The following IFT46 variants were observed in gnomAD, a reference collection of about 807,000 sequenced individuals.
IFT46 encodes intraflagellar transport 46, also known as intraflagellar transport protein 46 homolog.
A neutral mutation model predicts 39.6 loss-of-function variants in IFT46; 19 were observed. That is an observed-to-expected ratio of 0.48 (90% CI 0.33 to 0.70). The LOEUF (loss-of-function observed/expected upper bound fraction) is 0.70, where lower values mean the gene tolerates loss of function less well. Ranked by LOEUF, IFT46 falls within the 30% of genes least tolerant of loss-of-function variation. The pLI, the probability that IFT46 is intolerant of heterozygous loss-of-function variation, is 0.01. For synonymous variants in IFT46, 117 were observed against 134.8 expected (o/e 0.87, Z 0.91); for missense variants, 334 against 364.8 (o/e 0.92, Z 0.69).
At chr11:118,548,041 C>T (rs1555067629) in intron 9 of IFT46, among the ~76,000 whole-genome samples, 1 of 145,954 alleles carries the variant, frequency 6.9e-6, no homozygotes, top group Non-Finnish European at 1.5e-5. Context: ...CCACCACGCC[C>T]AGCCTTTTTT....
Position 118,556,894 on chromosome 11 carries a change from T to A in IFT46, c.185+12A>T. 1 of 1,571,422 alleles carries A rather than the reference T, an allele frequency of 6.4e-7. No individual in the cohort carries two copies. The highest frequency in any genetic ancestry group is 8.6e-7 in the Non-Finnish European group (1 of 1,157,894). On this transcript the variant is annotated intron_variant, in intron 4 of 11. Transcript: ENST00000264021. ...CTGAAGAGCACCCTTGGCTTGGGTG[T>A]TCTTTCCTCACCCTTCCAGAGGGGC...
At position 118,561,287 on chromosome 11, in the gene IFT46, G is replaced by A. The variant is rs113092688; in HGVS notation, c.-35-1423C>T. 3.6e-3 allele frequency: 4,637 copies of A among 1,284,960 alleles called. 130 individuals carry two copies. The African/African-American group carries it at 0.057, about 16-fold the overall frequency. 79.6% of individuals were successfully genotyped at this position (1,284,960 alleles called of 1,614,324 possible). ...AGAAGTACACCAGAAGCACATCATG[G>A]GCCAGAATGTTGCAGATTACATGCA... is the stretch of plus-strand genomic sequence containing the variant. On this transcript the variant is annotated intron_variant, in intron 2 of 11. Transcript: ENST00000264021.
chr11:118,561,481 G>A (rs1938053616), intron 2 of IFT46: 5 of 784,090 alleles, frequency 6.4e-6, no homozygotes, highest in Non-Finnish European at 1.1e-5. Context: ...AAAAGAATAG[G>A]TGGAACTGTC....
intron 7 of IFT46, 83 bp downstream of exon 7, chr11:118,554,373 CAGT>C: frequency 7.4e-7 from 1 of 1,354,670 alleles, no homozygotes. Context: ...TTTTGACAGG[CAGT>C]AAGTCAACTG....
chr11:118,572,465 G>A (rs1012958741), intron 1 of IFT46: 2 of 1,496,156 alleles, frequency 1.3e-6, no homozygotes, highest in East Asian at 2.4e-5. Flanking sequence ...CAGGTCCAGA[G>A]CTGCTGGTGC....
Position 118,544,761 on chromosome 11 carries a change from T to A in IFT46, c.*155A>T. 1 of 622,846 alleles carries A rather than the reference T, an allele frequency of 1.6e-6. No individual in the cohort carries two copies. The allele number at this position is 622,846 out of a possible 1,614,324, so 38.6% of individuals were successfully genotyped here. A position where few individuals can be genotyped will look rare whatever the true frequency, so the allele number is the denominator to read the frequency against. On this transcript the variant is annotated 3_prime_UTR_variant, in exon 12 of 12. Transcript: ENST00000264021. ...AGGCAGGTTCATTAAACAAACATGTTCTGTGCCCTCTGGCAGAGAGGGCAG... is the reference window on the plus strand; with the variant it reads ...AGGCAGGTTCATTAAACAAACATGTACTGTGCCCTCTGGCAGAGAGGGCAG...
upstream of IFT46, among the ~76,000 whole-genome samples, chr11:118,568,789 G>C (rs1938280464): frequency 6.6e-6 from 1 of 151,400 alleles, no homozygotes. Flanking sequence ...CCGAGTAGCT[G>C]GGACTATAGG....
intron 7 of IFT46, among the ~76,000 whole-genome samples, chr11:118,552,804 A>AG (rs1937688224): frequency 6.6e-6 from 1 of 151,124 alleles, no homozygotes; most frequent in Non-Finnish European, 1.5e-5. Flanking sequence ...AAAAAAAAAA[A>AG]GCCAAGTGCA....
rs1483190142 is a variant in IFT46, at chr11:118,544,561, TACTC to T, written c.*351_*354del. ...TAGAGCATTTGATTTATAAAATCTT[TACTC>T]ACTAACTTTACGAATGAAAGAAAAC... On this transcript the variant is annotated 3_prime_UTR_variant, in exon 12 of 12. Coordinates refer to ENST00000264021, the MANE Select transcript of IFT46 (RefSeq NM_001168618.2). 1.3e-5 allele frequency: 3 copies of T among 227,310 alleles called. No individual in the cohort carries two copies. Among genetic ancestry groups the T allele is most frequent in the Non-Finnish European group, 2.6e-5 (3 of 115,588 alleles). 14.1% of individuals were successfully genotyped at this position (227,310 alleles called of 1,614,324 possible). A position where few individuals can be genotyped will look rare whatever the true frequency, so the allele number is the denominator to read the frequency against.
chr11:118,572,363 CT>C, intron 1 of IFT46: 1 of 183,544 alleles, frequency 5.4e-6, no homozygotes, highest in Non-Finnish European at 1.2e-5. Context: ...CCCCCCCGCC[CT>C]TTGACCTGCG....
rs1555068521 is a variant in IFT46, at chr11:118,551,807, C to G, written c.651G>C (p.Glu217Asp). Residue 217 changes from glutamate to aspartate, a missense_variant, in exon 9 of 12, where the codon GAG (glutamate) becomes GAC (aspartate). Coordinates refer to ENST00000264021, the MANE Select transcript of IFT46 (RefSeq NM_001168618.2). ...IDTLMQEWSPEFEELLGKVSL... is the reference protein window; with the variant it reads ...IDTLMQEWSPDFEELLGKVSL... The stretch of plus-strand genomic sequence containing the variant: ...TCACCTTGCCCAAAAGCTCTTCAAA[C>G]TCCGGGGACCATTCCTGCATCAGCG... The G allele has an allele frequency of 6.2e-7, 1 of 1,613,152 alleles. No individual in the cohort carries two copies. The highest frequency in any genetic ancestry group is 1.7e-5 in the Admixed American group (1 of 59,960).
chr11:118,556,442 G>A (rs985047976), intron 4 of IFT46, among the ~76,000 whole-genome samples: 1 of 151,628 alleles, frequency 6.6e-6, no homozygotes, highest in African/African-American at 2.4e-5. Flanking sequence ...GCAGTGAGCC[G>A]AGATCACGCC....
At chr11:118,552,082 G>T in intron 8 of IFT46, 132 bp downstream of exon 8, 1 of 1,145,362 alleles carries the variant, frequency 8.7e-7, no homozygotes, top group Non-Finnish European at 1.3e-6. Flanking sequence ...TCAGCCAGTA[G>T]TTGCCAGGAT....
upstream of IFT46, among the ~76,000 whole-genome samples, chr11:118,575,223 C>T (rs1555073276): frequency 2.0e-5 from 3 of 152,158 alleles, no homozygotes; most frequent in Non-Finnish European, 1.5e-5. Context: ...CGTGATCTGC[C>T]CGCCTCGGCC....
intron 2 of IFT46, 162 bp from the exon 3 acceptor site, chr11:118,560,026 CA>C: frequency 1.7e-6 from 1 of 605,404 alleles, no homozygotes; most frequent in Non-Finnish European, 2.9e-6. Flanking sequence ...ATGGCTCTGC[CA>C]GTTCAATTCA....
At chr11:118,551,530 T>C (rs1432656821) in intron 9 of IFT46, among the ~76,000 whole-genome samples, 2 of 151,094 alleles carry the variant, frequency 1.3e-5, no homozygotes, top group Non-Finnish European at 3.0e-5. Context: ...AAAAAATGGC[T>C]GAGTGTGGTG....
rs1555066974 is a variant in IFT46 at position 118,545,824 on chromosome 11, GCAAT to G, written c.698_701del (p.Asp233AlafsTer9). 27 of 1,614,192 alleles carry G rather than the reference GCAAT, an allele frequency of 1.7e-5. No individual in the cohort carries two copies. Among genetic ancestry groups the G allele is most frequent in the Non-Finnish European group, 2.3e-5 (27 of 1,180,020 alleles). On this transcript the variant is annotated frameshift_variant, in exon 10 of 12. Coordinates refer to ENST00000264021, the MANE Select transcript of IFT46 (RefSeq NM_001168618.2). LOFTEE classifies it high-confidence loss of function. ...TCATGTCAATGTACTCTGCCAGGCTGCAATCAATCTCTGCCGTGGGCAGGCTTAC... is the reference window on the plus strand; with the variant it reads ...TCATGTCAATGTACTCTGCCAGGCTGCAATCTCTGCCGTGGGCAGGCTTAC...
chr11:118,564,331 C>T (rs1555071068), intron 2 of IFT46, among the ~76,000 whole-genome samples: 1 of 152,050 alleles, frequency 6.6e-6, no homozygotes, highest in Admixed American at 6.6e-5. Flanking sequence ...CCCATGATTA[C>T]CAGCATCGGG....
chr11:118,557,989 G>A (rs1937899547), intron 3 of IFT46: 1 of 1,113,226 alleles, frequency 9.0e-7, no homozygotes, highest in African/African-American at 1.6e-5. Context: ...TTTGATTCCA[G>A]TTGTTTAAAA....
Sources: allele counts gnomAD v4.1 joint callset (sites outside exome capture counted in the v4.1 genomes callset), GRCh38; gene constraint gnomAD v4.1.1; transcripts MANE v1.5; gene names NCBI Gene and HGNC (gene_info 2026-07-23, HGNC 2026-07-21).